PVT1: variants seen among roughly 807,000 people sequenced by gnomAD.
The protein encoded by PVT1 is Pvt1 oncogene, also known as CXCR4/PVT1 fusion.
At chr8:128,067,255 T>C (rs1275257328) in intron 4 of PVT1, among the ~76,000 whole-genome samples, 2 of 152,238 alleles carry the variant, frequency 1.3e-5, no homozygotes, top group African/African-American at 4.8e-5. Context: ...TGCAACGTCT[T>C]GGTGATAACA....
At chr8:127,812,122 GGAAAA>G (rs779761707) in intron 2 of PVT1, among the ~76,000 whole-genome samples, 145 of 130,752 alleles carry the variant, frequency 1.1e-3, no homozygotes, top group Non-Finnish European at 1.8e-3. Flanking sequence ...AGAAAAGAAA[GGAAAA>G]GAAAAGAAAA....
In PVT1 at chr8:127,846,601, G is replaced by T. The variant is rs577516627; in HGVS notation, n.373-43988G>T. Among the ~76,000 whole-genome samples, 9 of 152,276 alleles carry T rather than the reference G, an allele frequency of 5.9e-5. No individual in the cohort carries two copies. In the South Asian group the frequency reaches 1.7e-3, roughly 28 times the overall value. ...CACCCACGGAGACTAGCTCATGGCC[G>T]AGTGGCAGCTGGTGTAGCTGATAGC... On this transcript the variant is annotated intron_variant and non_coding_transcript_variant, in intron 2 of 10. Transcript: ENST00000651587.
chr8:127,931,127 A>C (rs12114688), intron 3 of PVT1, among the ~76,000 whole-genome samples: 2 of 151,960 alleles, frequency 1.3e-5, no homozygotes, highest in African/African-American at 4.8e-5. Context: ...GCTGGTCTCA[A>C]ACTCCTGGGC....
chr8:127,877,346 G>A lies in PVT1; in HGVS notation n.373-13243G>A, dbSNP rs371736198. On this transcript the variant is annotated intron_variant and non_coding_transcript_variant, in intron 2 of 10. Transcript: ENST00000651587. ...TTTCAGATATGAGACCTGTCTGTGG[G>A]GTTGTGAGGATACATGGGGATTAAG... Among the ~76,000 whole-genome samples, 9 of 152,318 alleles carry A rather than the reference G, an allele frequency of 5.9e-5. No homozygotes were observed. In the East Asian group the frequency reaches 1.5e-3, roughly 26 times the overall value.
At chr8:128,063,329 A>AT (rs1022326945) in intron 4 of PVT1, among the ~76,000 whole-genome samples, 14 of 152,180 alleles carry the variant, frequency 9.2e-5, no homozygotes, top group African/African-American at 3.4e-4. Context: ...CTTGGCCAAC[A>AT]TGTTAAAACC....
rs59316636 is a variant in PVT1, at chr8:128,015,054, GATTTATTTATTTATTT to G, written n.912+25787_912+25802del. Among the ~76,000 whole-genome samples, 20 of 146,084 alleles carry G rather than the reference GATTTATTTATTTATTT, an allele frequency of 1.4e-4. No individual in the cohort carries two copies. In the East Asian group the frequency reaches 2.2e-3, roughly 16 times the overall value. ...ACCTAAGAGAAAGAAAAGAGAAATA[GATTTATTTATTTATTT>G]ATTTATTTATTTATTTATTTATTAT... is the stretch of plus-strand genomic sequence containing the variant. On this transcript the variant is annotated intron_variant and non_coding_transcript_variant, in intron 4 of 10. Coordinates refer to ENST00000651587, the Ensembl canonical transcript of PVT1.
At chr8:127,868,862 T>G (rs1367454789) in intron 2 of PVT1, among the ~76,000 whole-genome samples, 1 of 141,178 alleles carries the variant, frequency 7.1e-6, no homozygotes, top group African/African-American at 2.7e-5. Context: ...TCTCAGACTT[T>G]AAGAATTACT....
At chr8:127,976,711 C>G (rs1816826239) in intron 3 of PVT1, among the ~76,000 whole-genome samples, 1 of 152,176 alleles carries the variant, frequency 6.6e-6, no homozygotes, top group Admixed American at 6.5e-5. Flanking sequence ...ATCCTTATCC[C>G]CATATCATAT....
At chr8:127,905,853 G>C (rs1398539930) in intron 3 of PVT1, among the ~76,000 whole-genome samples, 1 of 152,212 alleles carries the variant, frequency 6.6e-6, no homozygotes, top group Non-Finnish European at 1.5e-5. Context: ...GGCCTGAGCT[G>C]GCTGGCCTGG....
intron 5 of PVT1, among the ~76,000 whole-genome samples, chr8:128,085,267 A>G (rs1406048072): frequency 6.6e-6 from 1 of 152,142 alleles, no homozygotes; most frequent in Non-Finnish European, 1.5e-5. Flanking sequence ...CTGCACCTTC[A>G]AAAGTCCGCG....
intron 2 of PVT1, among the ~76,000 whole-genome samples, chr8:127,860,074 C>T (rs1815203797): frequency 1.3e-5 from 2 of 152,186 alleles, no homozygotes; most frequent in South Asian, 4.1e-4. Flanking sequence ...ACTGATGACA[C>T]TCCAGGGCTA....
At chr8:127,988,253 C>G (rs11997631) in intron 3 of PVT1, among the ~76,000 whole-genome samples, 42,563 of 152,080 alleles carry the variant, frequency 0.28, 6,197 homozygotes, top group East Asian at 0.44. Context: ...AACTTTTCAG[C>G]GTTCTTTATT....
intron 5 of PVT1, among the ~76,000 whole-genome samples, chr8:128,079,101 T>C (rs1814138447): frequency 6.6e-6 from 1 of 152,078 alleles, no homozygotes; most frequent in African/African-American, 2.4e-5. Context: ...CTTTATTCTG[T>C]AACCTTTTCA....
intron 3 of PVT1, among the ~76,000 whole-genome samples, chr8:127,921,335 A>C (rs1363058733): frequency 9.3e-6 from 1 of 108,058 alleles, no homozygotes; most frequent in Admixed American, 1.1e-4. Flanking sequence ...TGATTTAAAA[A>C]TGTTAAAAAA....
At chr8:127,827,488 G>C (rs577731711) in intron 2 of PVT1, among the ~76,000 whole-genome samples, 1 of 152,154 alleles carries the variant, frequency 6.6e-6, no homozygotes, top group South Asian at 2.1e-4. Context: ...GCAGCCCTGA[G>C]GCTGGAGTTT....
chr8:127,810,392 A>G (rs1191435614), intron 2 of PVT1, among the ~76,000 whole-genome samples: 1 of 152,234 alleles, frequency 6.6e-6, no homozygotes, highest in African/African-American at 2.4e-5. Context: ...ACCACTTAAA[A>G]GCTTTTAATG....
intron 4 of PVT1, among the ~76,000 whole-genome samples, chr8:128,014,328 A>G (rs1232630484): frequency 1.3e-5 from 2 of 152,204 alleles, no homozygotes; most frequent in African/African-American, 4.8e-5. Context: ...CAATGCTCAC[A>G]TTCTAGAATC....
chr8:128,032,246 G>C (rs1437617807), intron 4 of PVT1, among the ~76,000 whole-genome samples: 2 of 152,154 alleles, frequency 1.3e-5, no homozygotes, highest in Non-Finnish European at 2.9e-5. Flanking sequence ...CCACACTGCT[G>C]TGCCTACAGC....
At chr8:128,038,497 A>G (rs1344711045) in intron 4 of PVT1, among the ~76,000 whole-genome samples, 2 of 152,298 alleles carry the variant, frequency 1.3e-5, no homozygotes, top group East Asian at 3.9e-4. Context: ...ATAAGTCCTA[A>G]GAGGGAGGTG....
Sources: allele counts gnomAD v4.1 joint callset (sites outside exome capture counted in the v4.1 genomes callset), GRCh38; gene constraint gnomAD v4.1.1; transcripts MANE v1.5; gene names NCBI Gene and HGNC (gene_info 2026-07-23, HGNC 2026-07-21).